Variants in SHISA7 observed in about 807,000 individuals in gnomAD.
SHISA7 encodes the protein protein shisa-7.
In SHISA7, 6 loss-of-function variants were observed where a neutral mutation model predicts 23.9. The ratio of observed to expected loss-of-function variants is 0.25; its 90% CI spans 0.14 to 0.50. The LOEUF is 0.50. Ranked by LOEUF, SHISA7 falls within the 20% of genes least tolerant of loss-of-function variation. SHISA7 has a pLI of 0.98. For missense variants in SHISA7, 671 were observed against 801.1 expected, an observed-to-expected ratio of 0.84 and a Z score of 1.96; for synonymous variants, 386 against 398.3, an observed-to-expected ratio of 0.97 and a Z score of 0.37.
chr19:55,440,563 G>T (rs1189837723), intron 2 of SHISA7, 48 bp downstream of exon 2: 4 of 1,248,160 alleles, frequency 3.2e-6, no homozygotes, highest in African/African-American at 1.6e-5. Context: ...CATGATGAAG[G>T]GGCGTGGCCA....
In SHISA7 at chr19:55,442,646, G is replaced by GCCGCCGCGC; in HGVS notation, c.209_217dup (p.Gly70_Ala72dup). On this transcript the variant is annotated inframe_insertion, in exon 1 of 4. Transcript: ENST00000376325. ...GAGCTCGGCGGGAGGGGGCGCCCGG[G>GCCGCCGCGC]CCGCCGCGCCCGCCCCGCCCGCGGG... 7.5e-7 allele frequency: 1 copy of GCCGCCGCGC among 1,335,186 alleles called. No individual in the cohort carries two copies. Among genetic ancestry groups the GCCGCCGCGC allele is most frequent in the Non-Finnish European group, 9.7e-7 (1 of 1,029,078 alleles). The allele number at this position is 1,335,186 out of a possible 1,614,324, so 82.7% of individuals were successfully genotyped here.
At chr19:55,437,177 G>A (rs1985482946) in intron 3 of SHISA7, among the ~76,000 whole-genome samples, 1 of 152,158 alleles carries the variant, frequency 6.6e-6, no homozygotes, top group South Asian at 2.1e-4. Flanking sequence ...CATCTGCAGG[G>A]TGGTCGTTGC....
At chr19:55,436,674 C>T (rs1405426844) in intron 3 of SHISA7, among the ~76,000 whole-genome samples, 3 of 150,784 alleles carry the variant, frequency 2.0e-5, no homozygotes, top group South Asian at 2.1e-4. Flanking sequence ...TTTGAGAGGA[C>T]GAGGTGGGTG....
At chr19:55,440,884 T>G in intron 1 of SHISA7, 119 bp from the exon 2 acceptor site, 1 of 1,008,578 alleles carries the variant, frequency 9.9e-7, no homozygotes, top group Non-Finnish European at 1.3e-6. Context: ...GCCTGCCTTT[T>G]TCGCCATTGG....
intron 3 of SHISA7, among the ~76,000 whole-genome samples, chr19:55,435,363 T>TGG: frequency 1.6e-5 from 2 of 125,472 alleles, no homozygotes; most frequent in South Asian, 2.7e-4. Context: ...GGTGTGTGTG[T>TGG]GGTGTGTGTG....
chr19:55,435,872 A>G (rs541485729), intron 3 of SHISA7, among the ~76,000 whole-genome samples: 1 of 152,230 alleles, frequency 6.6e-6, no homozygotes, highest in East Asian at 1.9e-4. Context: ...GACTCATTTT[A>G]TAATTTTCTC....
chr19:55,434,007 C>G (rs965251837), intron 3 of SHISA7, among the ~76,000 whole-genome samples: 1 of 151,780 alleles, frequency 6.6e-6, no homozygotes, highest in Non-Finnish European at 1.5e-5. Flanking sequence ...TCTTCCCCCC[C>G]GCGCCGCCTA....
chr19:55,433,464 G>C lies in SHISA7; in HGVS notation c.1309C>G (p.Leu437Val). The C allele has an allele frequency of 1.4e-6, 2 of 1,385,534 alleles. No individual in the cohort carries two copies. Among genetic ancestry groups the C allele is most frequent in the Non-Finnish European group, 1.9e-6 (2 of 1,076,742 alleles). 85.8% of individuals were successfully genotyped at this position (1,385,534 alleles called of 1,614,324 possible). ...GCCCGGGCGGTGGGGTCGGGGGGCA[G>C]CGCGGGGCTGCGCGGGGGCGACAGC... is the stretch of plus-strand genomic sequence containing the variant. ...HLLSPPRSPALPPDPTARASL... is the reference protein window; with the variant it reads ...HLLSPPRSPAVPPDPTARASL... The change falls in exon 4 of 4, where the codon CTG becomes GTG. Residue 437 changes from leucine (L) to valine (V), a missense_variant. Physicochemically the swap from Leu to Val is conservative, Grantham distance 32. Transcript: ENST00000376325. This position sits in a 1 kb window ranked among gnomAD's most constrained non-coding sequence, Gnocchi z 8.4.
Position 55,442,520 on chromosome 19 carries a change from C to G in SHISA7, c.344G>C (p.Cys115Ser). 6.8e-7 allele frequency: 1 copy of G among 1,481,480 alleles called. No individual in the cohort carries two copies. The highest frequency in any genetic ancestry group is 9.0e-7 in the Non-Finnish European group (1 of 1,112,028). The allele number at this position is 1,481,480 out of a possible 1,614,324, so 91.8% of individuals were successfully genotyped here. ...CAGGCGCATGTGACGGTGCTCACAGCAGAAGCGGTAGTGGCAGGTGCCACA... is the reference window on the plus strand; with the variant it reads ...CAGGCGCATGTGACGGTGCTCACAGGAGAAGCGGTAGTGGCAGGTGCCACA... ...FCCGTCHYRF[C>S]CEHRHMRLAQ... Residue 115 changes from cysteine (C) to serine (S), a missense_variant, in exon 1 of 4, where the codon TGC becomes TCC. By Grantham distance (112) the Cys-to-Ser change is moderately radical. Around this residue, in one of 5 missense-constraint regions of SHISA7, gnomAD observed 48 missense variants for 111.0 expected, o/e 0.43. Coordinates refer to ENST00000376325, the MANE Select transcript of SHISA7 (RefSeq NM_001145176.2).
At chr19:55,438,634 G>A in intron 2 of SHISA7, 3 of 1,304,198 alleles carry the variant, frequency 2.3e-6, no homozygotes, top group Non-Finnish European at 2.0e-6. Context: ...TATCTGGGGG[G>A]ACCGAGAAGG....
chr19:55,438,499 C>T, intron 2 of SHISA7: 3 of 1,284,470 alleles, frequency 2.3e-6, no homozygotes, highest in Non-Finnish European at 3.1e-6. Flanking sequence ...CATGGCTGGC[C>T]CAACACAAAG....
chr19:55,437,319 GT>G (rs958810144), intron 3 of SHISA7, among the ~76,000 whole-genome samples: 2 of 152,118 alleles, frequency 1.3e-5, no homozygotes, highest in Non-Finnish European at 2.9e-5. Flanking sequence ...AAGTCAACAT[GT>G]TTTTTTCCTT....
chr19:55,433,064 C>G lies in SHISA7; in HGVS notation c.*92G>C, dbSNP rs1985248128. On this transcript the variant is annotated 3_prime_UTR_variant, in exon 4 of 4. Transcript: ENST00000376325. The surrounding 1 kb of genome is among the most constrained non-coding windows in gnomAD (Gnocchi z 8.4). ...TCCTGTCCAAGGGCCGATCTGGGCC[C>G]CAGGCCCCTGGCATGTGTGCGCCTG... 1 of 1,393,060 alleles carries G rather than the reference C, an allele frequency of 7.2e-7. No individual in the cohort carries two copies. Among genetic ancestry groups the G allele is most frequent in the South Asian group, 1.5e-5 (1 of 65,452 alleles). 86.3% of individuals were successfully genotyped at this position (1,393,060 alleles called of 1,614,324 possible). A position where few individuals can be genotyped will look rare whatever the true frequency, so the allele number is the denominator to read the frequency against.
At position 55,440,744 on chromosome 19, in the gene SHISA7, T is replaced by C; in HGVS notation, c.693A>G (p.Arg231=). 8.0e-7 allele frequency: 1 copy of C among 1,245,260 alleles called. No individual in the cohort carries two copies. Among genetic ancestry groups the C allele is most frequent in the Non-Finnish European group, 1.0e-6 (1 of 988,150 alleles). The allele number at this position is 1,245,260 out of a possible 1,614,324, so 77.1% of individuals were successfully genotyped here. The change falls in exon 2 of 4, where the codon AGA becomes AGG. Residue 231 remains arginine (R), a synonymous_variant. Coordinates refer to ENST00000376325, the MANE Select transcript of SHISA7 (RefSeq NM_001145176.2). ...GGCGGGTCCCAGGCCCCGCCTGATG[T>C]CTCAGAATGTCCACCAGAGCTCTAA... ...NVPRALVDIL[R]HQAGPGTRPD... is the part of the protein sequence containing the mutation.
In SHISA7 at chr19:55,434,958, TG is replaced by T. The variant is rs1235543904; in HGVS notation, c.977-1163del. On this transcript the variant is annotated intron_variant, in intron 3 of 3. Transcript: ENST00000376325. ...TGGTGTGTGTATGGTGTGTGGTGTG[TG>T]GGTGTGTGTGGTGTGTGTGGATGGT... 2.6e-5 allele frequency among the ~76,000 whole-genome samples: 3 copies of T among 116,988 alleles called. No individual in the cohort carries two copies. In the East Asian group the frequency reaches 7.9e-4, roughly 31 times the overall value. 76.7% of individuals were successfully genotyped at this position (116,988 alleles called of 152,430 possible).
At position 55,433,352 on chromosome 19, in the gene SHISA7, A is replaced by T. The variant is rs1772314122; in HGVS notation, c.1421T>A (p.Leu474Gln). The change falls in exon 4 of 4, where the codon CTG becomes CAG. Residue 474 changes from leucine (L) to glutamine (Q), a missense_variant. By Grantham distance (113) the Leu-to-Gln change is moderately radical. Around this residue, in one of 5 missense-constraint regions of SHISA7, gnomAD observed 457 missense variants for 488.3 expected, o/e 0.94. Transcript: ENST00000376325. The surrounding 1 kb of genome is among the most constrained non-coding windows in gnomAD (Gnocchi z 8.4). Reference protein sequence around the residue: ...PLRGLPPPSSLHAHHHHALHG... With the variant: ...PLRGLPPPSSQHAHHHHALHG... ...CAGGGCGTGGTGGTGGTGGGCGTGC[A>T]GGCTGGACGGTGGCGGCAGCCCGCG... is the stretch of plus-strand genomic sequence containing the variant. 1 of 1,369,214 alleles carries T rather than the reference A, an allele frequency of 7.3e-7. No individual in the cohort carries two copies. Among genetic ancestry groups the T allele is most frequent in the Admixed American group, 4.0e-5 (1 of 25,154 alleles). The allele number at this position is 1,369,214 out of a possible 1,614,324, so 84.8% of individuals were successfully genotyped here. A position where few individuals can be genotyped will look rare whatever the true frequency, so the allele number is the denominator to read the frequency against.
rs545999140 is a variant in SHISA7, at chr19:55,435,899, T to C, written c.976+1706A>G. On this transcript the variant is annotated intron_variant, in intron 3 of 3. Coordinates refer to ENST00000376325, the MANE Select transcript of SHISA7 (RefSeq NM_001145176.2). Reference sequence around the variant, plus strand: ...AATTTTCTCTACTCGCATGTATGTTTGCAAATGTCCGTAATAAAAAGTTTC... The same window carrying C: ...AATTTTCTCTACTCGCATGTATGTTCGCAAATGTCCGTAATAAAAAGTTTC... 2.6e-5 allele frequency among the ~76,000 whole-genome samples: 4 copies of C among 152,238 alleles called. 1 individual carries two copies. The South Asian group carries it at 8.3e-4, about 32-fold the overall frequency.
intron 1 of SHISA7, 53 bp from the exon 2 acceptor site, chr19:55,440,818 T>A (rs1599874787): frequency 1.6e-6 from 2 of 1,231,602 alleles, no homozygotes; most frequent in Non-Finnish European, 2.0e-6. Flanking sequence ...GTGGCAGGGG[T>A]ACCAGGAAGG....
intron 3 of SHISA7, among the ~76,000 whole-genome samples, chr19:55,434,746 G>GTA (rs1985351863): frequency 9.1e-6 from 1 of 110,366 alleles, no homozygotes; most frequent in Non-Finnish European, 1.8e-5. Context: ...GTGTATATGT[G>GTA]GTGTGTGTGG....
Sources: gnomAD v4.1 joint callset for allele counts (sites outside exome capture counted in the v4.1 genomes callset) on GRCh38, gnomAD v4.1.1 for gene constraint, gnomAD v4.1.1 regional missense constraint, Gnocchi (gnomAD v3.1) non-coding constraint, MANE v1.5 for transcripts, NCBI Gene and HGNC (gene_info 2026-07-23, HGNC 2026-07-21) for gene names.